Variants in DCC observed in about 807,000 individuals in gnomAD.
DCC encodes the protein netrin receptor DCC.
In DCC, 58 loss-of-function variants were observed where a neutral mutation model predicts 172.5. The ratio of observed to expected loss-of-function variants is 0.34; its 90% CI spans 0.27 to 0.42. The LOEUF is 0.42. DCC is among the 10% of genes least tolerant of loss of function. DCC has a pLI of 1.00. For missense variants in DCC, 1,740 were observed against 1,791.0 expected, an observed-to-expected ratio of 0.97 and a Z score of 0.51; for synonymous variants, 709 against 644.5, an observed-to-expected ratio of 1.10 and a Z score of -1.52.
intron 12 of DCC, among the ~76,000 whole-genome samples, chr18:53,242,610 C>G (rs2056312662): frequency 1.3e-5 from 2 of 152,096 alleles, no homozygotes; most frequent in Non-Finnish European, 2.9e-5. Flanking sequence ...TTAACCCTAT[C>G]ATGATAGTAT....
At chr18:52,909,016 C>A (rs922162321) in intron 3 of DCC, among the ~76,000 whole-genome samples, 1 of 152,050 alleles carries the variant, frequency 6.6e-6, no homozygotes, top group Non-Finnish European at 1.5e-5. Context: ...TTAACACATT[C>A]TCGAGTTTGC....
At chr18:52,782,336 C>T (rs1400101837) in intron 2 of DCC, among the ~76,000 whole-genome samples, 1 of 152,090 alleles carries the variant, frequency 6.6e-6, no homozygotes, top group East Asian at 1.9e-4. Flanking sequence ...TTTGTAGCAT[C>T]CGCTTTGAAC....
chr18:53,077,171 G>A (rs1000019453), intron 7 of DCC, among the ~76,000 whole-genome samples: 3 of 151,676 alleles, frequency 2.0e-5, no homozygotes, highest in South Asian at 2.1e-4. Flanking sequence ...TCCATCATTG[G>A]CCAATCAGCC....
chr18:52,374,007 T>C (rs1299838017), intron 1 of DCC, among the ~76,000 whole-genome samples: 2 of 149,748 alleles, frequency 1.3e-5, no homozygotes, highest in African/African-American at 4.9e-5. Context: ...TTCTCCTTCC[T>C]CAGCCTCTGG....
chr18:52,636,821 G>C (rs1009215225), intron 1 of DCC, among the ~76,000 whole-genome samples: 2 of 152,156 alleles, frequency 1.3e-5, no homozygotes, highest in African/African-American at 4.8e-5. Flanking sequence ...GCTACTTACA[G>C]CTGATTCTTT....
chr18:52,707,526 AG>A (rs1472709345), intron 1 of DCC, among the ~76,000 whole-genome samples: 1 of 152,212 alleles, frequency 6.6e-6, no homozygotes, highest in Non-Finnish European at 1.5e-5. Flanking sequence ...TATATCTAAA[AG>A]AAATGAAGTC....
In DCC at chr18:52,629,774, C is replaced by G. The variant is rs1019197964; in HGVS notation, c.92-122280C>G. 2.6e-5 allele frequency among the ~76,000 whole-genome samples: 4 copies of G among 152,102 alleles called. No homozygotes were observed. The East Asian group carries it at 5.8e-4, about 22-fold the overall frequency. ...GACCATCCTGACTAACACAGTGAAA[C>G]CCCGTCTCTACTAAAAACACAAAAA... On this transcript the variant is annotated intron_variant, in intron 1 of 28. Transcript: ENST00000442544.
intron 5 of DCC, among the ~76,000 whole-genome samples, chr18:52,960,139 G>A (rs2040819019): frequency 6.6e-6 from 1 of 151,922 alleles, no homozygotes; most frequent in African/African-American, 2.4e-5. Context: ...AATTTTCCTG[G>A]AGCTCGAAAT....
intron 1 of DCC, among the ~76,000 whole-genome samples, chr18:52,457,521 TG>T (rs1207968619): frequency 6.6e-6 from 1 of 152,232 alleles, no homozygotes; most frequent in Non-Finnish European, 1.5e-5. Flanking sequence ...TATTTTATTT[TG>T]TTGTCTTTAA....
intron 1 of DCC, among the ~76,000 whole-genome samples, chr18:52,548,780 G>T (rs2032685510): frequency 6.6e-6 from 1 of 152,058 alleles, no homozygotes; most frequent in Non-Finnish European, 1.5e-5. Flanking sequence ...AAATTCTGGA[G>T]AAATTTCCCA....
At chr18:52,573,304 G>A (rs990247205) in intron 1 of DCC, among the ~76,000 whole-genome samples, 4 of 152,110 alleles carry the variant, frequency 2.6e-5, no homozygotes, top group Non-Finnish European at 4.4e-5. Context: ...ATATAATGAA[G>A]TTAGGGGGCA....
chr18:52,515,236 T>A (rs1464532869), intron 1 of DCC, among the ~76,000 whole-genome samples: 1 of 152,058 alleles, frequency 6.6e-6, no homozygotes, highest in Non-Finnish European at 1.5e-5. Flanking sequence ...AGATTGTGTA[T>A]CCATAGCCAA....
chr18:52,975,878 G>A (rs8098489), intron 5 of DCC, among the ~76,000 whole-genome samples: 116,933 of 152,122 alleles, frequency 0.77, 45,489 homozygotes, highest in African/African-American at 0.88. Flanking sequence ...ATACGCAGTA[G>A]TAGGATTGCT....
chr18:52,849,043 C>T (rs1285696336), intron 2 of DCC, among the ~76,000 whole-genome samples: 1 of 152,070 alleles, frequency 6.6e-6, no homozygotes, highest in African/African-American at 2.4e-5. Flanking sequence ...GTATTTTCTT[C>T]TTCCTGCTGC....
At chr18:53,394,079 C>T (rs1414759955) in intron 17 of DCC, among the ~76,000 whole-genome samples, 2 of 152,184 alleles carry the variant, frequency 1.3e-5, no homozygotes, top group East Asian at 3.8e-4. Flanking sequence ...TTTACTTCAT[C>T]TCACTTCCAC....
intron 12 of DCC, among the ~76,000 whole-genome samples, chr18:53,217,160 A>T (rs140618702): frequency 6.6e-6 from 1 of 151,978 alleles, no homozygotes; most frequent in African/African-American, 2.4e-5. Flanking sequence ...TGAAACGTGT[A>T]TAGGGCATTA....
At chr18:52,854,850 C>CAG (rs1372736064) in intron 2 of DCC, among the ~76,000 whole-genome samples, 1 of 152,200 alleles carries the variant, frequency 6.6e-6, no homozygotes, top group Admixed American at 6.5e-5. Flanking sequence ...GGCATGCCTT[C>CAG]AGAGAGGCCT....
rs79749982 is a variant in DCC at position 52,572,696 on chromosome 18, A to T, written c.92-179358A>T. Among the ~76,000 whole-genome samples the T allele has an allele frequency of 4.5e-4, 69 of 152,314 alleles. 1 individual carries two copies. In the East Asian group the frequency reaches 0.013, roughly 29 times the overall value. On this transcript the variant is annotated intron_variant, in intron 1 of 28. Coordinates refer to ENST00000442544, the MANE Select transcript of DCC (RefSeq NM_005215.4). ...CATTCTTGACGTGGGGATCCAGAGCATGGGCAGACCAAGAATCTTGTGTAC... is the reference window on the plus strand; with the variant it reads ...CATTCTTGACGTGGGGATCCAGAGCTTGGGCAGACCAAGAATCTTGTGTAC...
At chr18:53,430,614 G>A (rs62098288) in intron 21 of DCC, among the ~76,000 whole-genome samples, 65,937 of 151,806 alleles carry the variant, frequency 0.43, 16,054 homozygotes, top group Non-Finnish European at 0.56. Flanking sequence ...CATTTTATAC[G>A]TACACCACAA....
Sources: gnomAD v4.1 joint callset for allele counts (sites outside exome capture counted in the v4.1 genomes callset) on GRCh38, gnomAD v4.1.1 for gene constraint, MANE v1.5 for transcripts, NCBI Gene and HGNC (gene_info 2026-07-23, HGNC 2026-07-21) for gene names.